The following KALRN variants were observed in gnomAD, a reference collection of about 807,000 sequenced individuals.
The protein encoded by KALRN is kalirin.
In KALRN, 70 loss-of-function variants were observed where a neutral mutation model predicts 353.7. The observed-to-expected ratio is 0.20, with a 90% CI of 0.16 to 0.24. The LOEUF (loss-of-function observed/expected upper bound fraction) is 0.24, where lower values mean the gene tolerates loss of function less well. Ranked by LOEUF, KALRN falls within the 10% of genes least tolerant of loss-of-function variation. The probability of loss-of-function intolerance (pLI) is 1.00; values close to 1 mark genes in which losing one functional copy is unlikely to be tolerated. For missense variants in KALRN, 2,791 were observed against 3,756.7 expected (o/e 0.74, Z 6.72); for synonymous variants, 1,391 against 1,434.8 (o/e 0.97, Z 0.69).
At chr3:124,240,731 G>T (rs2080334182) in intron 3 of KALRN, among the ~76,000 whole-genome samples, 1 of 152,138 alleles carries the variant, frequency 6.6e-6, no homozygotes, top group South Asian at 2.1e-4. Context: ...AGAAGATACA[G>T]AATGGATTCA....
chr3:124,355,156 A>C (rs988106154), intron 10 of KALRN, among the ~76,000 whole-genome samples: 1 of 152,226 alleles, frequency 6.6e-6, no homozygotes, highest in African/African-American at 2.4e-5. Context: ...GAAAAGTTCA[A>C]AAAGTGTAGT....
At position 124,717,817 on chromosome 3, in the gene KALRN, C is replaced by CT. The variant is rs202085010; in HGVS notation, c.8415+440dup. ...ATTTACTTAGAGTAGAATATTATAA[C>CT]TTTTTTTTATTTGAGACAGAGTCTG... On this transcript the variant is annotated intron_variant, in intron 59 of 59. Transcript: ENST00000682506. 3.3e-4 allele frequency among the ~76,000 whole-genome samples: 50 copies of CT among 151,874 alleles called. No individual in the cohort carries two copies. The East Asian group carries it at 9.3e-3, about 28-fold the overall frequency.
chr3:124,398,009 C>T (rs922513303), intron 12 of KALRN, among the ~76,000 whole-genome samples: 1 of 152,234 alleles, frequency 6.6e-6, no homozygotes, highest in African/African-American at 2.4e-5. Flanking sequence ...ATTAAGTCCA[C>T]TTGACAGATA....
chr3:124,603,541 A>G (rs1363079894), intron 34 of KALRN, among the ~76,000 whole-genome samples: 1 of 152,100 alleles, frequency 6.6e-6, no homozygotes, highest in Non-Finnish European at 1.5e-5. Context: ...GGCTCTCCCT[A>G]CAGGTCATGC....
intron 6 of KALRN, among the ~76,000 whole-genome samples, chr3:124,310,297 A>G (rs970346085): frequency 3.3e-5 from 5 of 152,190 alleles, no homozygotes; most frequent in African/African-American, 1.2e-4. Flanking sequence ...TCTCATGTTC[A>G]TTGATTAGAA....
chr3:124,200,897 A>C (rs552988298), intron 1 of KALRN, among the ~76,000 whole-genome samples: 35 of 152,354 alleles, frequency 2.3e-4, no homozygotes, highest in African/African-American at 8.4e-4. Context: ...TATCTATTCC[A>C]AAAACCTCTT....
rs565071210 is a variant in KALRN, at chr3:124,419,854, A to G, written c.2543-2958A>G. 4.6e-5 allele frequency among the ~76,000 whole-genome samples: 7 copies of G among 152,320 alleles called. No individual in the cohort carries two copies. In the East Asian group the frequency reaches 1.2e-3, roughly 25 times the overall value. On this transcript the variant is annotated intron_variant, in intron 14 of 59. Transcript: ENST00000682506. ...GGAAAGAGGAAAAATATCTTTTTGC[A>G]TTTCTAAGAGCCCCTAAGAAAAACA... is the stretch of plus-strand genomic sequence containing the variant.
intron 1 of KALRN, among the ~76,000 whole-genome samples, chr3:124,218,409 C>T (rs2077555032): frequency 6.6e-6 from 1 of 152,174 alleles, no homozygotes; most frequent in Admixed American, 6.5e-5. Flanking sequence ...TTGTAACTCT[C>T]TCCAAATATA....
At chr3:124,373,621 G>A (rs1392864156) in intron 10 of KALRN, among the ~76,000 whole-genome samples, 3 of 152,158 alleles carry the variant, frequency 2.0e-5, no homozygotes, top group Non-Finnish European at 4.4e-5. Context: ...TAGTGGCTTT[G>A]CTGTTTCCTG....
At chr3:124,233,429 A>G (rs3772728) in intron 2 of KALRN, among the ~76,000 whole-genome samples, 7,710 of 152,250 alleles carry the variant, frequency 0.051, 309 homozygotes, top group East Asian at 0.18. Context: ...GGCTAGTGGT[A>G]TGAAAGGTCC....
At chr3:124,443,952 G>A (rs533538473) in intron 19 of KALRN, among the ~76,000 whole-genome samples, 6 of 152,108 alleles carry the variant, frequency 3.9e-5, no homozygotes, top group Non-Finnish European at 7.3e-5. Context: ...ACCTGAGCAG[G>A]GACCTACAAT....
chr3:124,543,448 C>T (rs889039468), intron 33 of KALRN, among the ~76,000 whole-genome samples: 5 of 152,022 alleles, frequency 3.3e-5, no homozygotes, highest in South Asian at 4.2e-4. Flanking sequence ...ACTACAGGCA[C>T]CCATCACCAC....
In KALRN at chr3:124,033,401, C is replaced by G. The variant is rs2039069868; in HGVS notation, c.-340C>G. ...ACAGGCAGACGGGCGAGCAGGAGAG[C>G]CAGCTGCCGCTGCTGGGGGACAGCG... On this transcript the variant is annotated 5_prime_UTR_variant, in exon 1 of 60. Transcript: ENST00000682506. This position sits in a 1 kb window ranked among gnomAD's most constrained non-coding sequence, Gnocchi z 6.2. Among the ~76,000 whole-genome samples, 1 of 151,862 alleles carries G rather than the reference C, an allele frequency of 6.6e-6. No homozygotes were observed. Among genetic ancestry groups the G allele is most frequent in the South Asian group, 2.1e-4 (1 of 4,824 alleles).
At chr3:124,288,097 G>T (rs544467146) in intron 5 of KALRN, among the ~76,000 whole-genome samples, 1 of 151,936 alleles carries the variant, frequency 6.6e-6, no homozygotes, top group African/African-American at 2.4e-5. Flanking sequence ...CTGGTCTCGA[G>T]CTCCTGACCT....
chr3:124,397,738 ACT>A (rs2090342317), intron 12 of KALRN, among the ~76,000 whole-genome samples: 1 of 152,042 alleles, frequency 6.6e-6, no homozygotes, highest in African/African-American at 2.4e-5. Flanking sequence ...GTTTGTATAG[ACT>A]CTGCCTGCTC....
intron 1 of KALRN, among the ~76,000 whole-genome samples, chr3:124,044,115 C>T (rs939147528): frequency 6.6e-6 from 1 of 152,166 alleles, no homozygotes; most frequent in African/African-American, 2.4e-5. Context: ...GAATCCTTCA[C>T]ACAAAAGAGA....
At chr3:124,189,659 G>T (rs1301387112) in intron 1 of KALRN, among the ~76,000 whole-genome samples, 4 of 152,134 alleles carry the variant, frequency 2.6e-5, no homozygotes, top group East Asian at 1.9e-4. Flanking sequence ...AAAATATTAG[G>T]CCAGGTGCGG....
intron 13 of KALRN, among the ~76,000 whole-genome samples, chr3:124,406,190 C>G (rs529911862): frequency 1.3e-5 from 2 of 152,130 alleles, no homozygotes; most frequent in Non-Finnish European, 2.9e-5. Context: ...TCCCAAAGGT[C>G]TTTAGCTATT....
chr3:124,211,150 C>G (rs1253050970), intron 1 of KALRN, among the ~76,000 whole-genome samples: 1 of 152,222 alleles, frequency 6.6e-6, no homozygotes, highest in African/African-American at 2.4e-5. Context: ...TTCATTGATT[C>G]ATTCACTCCA....
Sources: gnomAD v4.1 joint callset for allele counts (sites outside exome capture counted in the v4.1 genomes callset) on GRCh38, gnomAD v4.1.1 for gene constraint, Gnocchi (gnomAD v3.1) non-coding constraint, MANE v1.5 for transcripts, NCBI Gene and HGNC (gene_info 2026-07-23, HGNC 2026-07-21) for gene names.